Variants in FSTL4 observed in about 807,000 individuals in gnomAD.
The protein encoded by FSTL4 is follistatin-related protein 4.
A neutral mutation model predicts 78.2 loss-of-function variants in FSTL4; 28 were observed. The observed-to-expected ratio is 0.36, with a 90% confidence interval of 0.27 to 0.49. The LOEUF (loss-of-function observed/expected upper bound fraction) is 0.49, where lower values mean the gene tolerates loss of function less well. FSTL4 is among the 20% of genes least tolerant of loss of function. The probability of loss-of-function intolerance (pLI) is 0.98; values close to 1 mark genes in which losing one functional copy is unlikely to be tolerated. For missense variants in FSTL4, 922 were observed against 1,084.9 expected, an observed-to-expected ratio of 0.85 and a Z score of 2.11; for synonymous variants, 422 against 440.5, an observed-to-expected ratio of 0.96 and a Z score of 0.53.
the FSTL4 span, among the ~76,000 whole-genome samples, chr5:133,786,280 G>A: frequency 6.6e-6 from 1 of 152,164 alleles, no homozygotes; most frequent in Non-Finnish European, 1.5e-5. Flanking sequence ...ATGGAATGAG[G>A]GATGTTTTCT....
At chr5:133,801,004 G>A in the FSTL4 span, among the ~76,000 whole-genome samples, 146,550 of 152,104 alleles carry the variant, frequency 0.96, 70,833 homozygotes, top group Non-Finnish European at 1. Context: ...CCTGGCACCC[G>A]GGGGTCCTCG....
chr5:133,740,383 C>T, the FSTL4 span, among the ~76,000 whole-genome samples: 4 of 152,282 alleles, frequency 2.6e-5, no homozygotes, highest in South Asian at 6.2e-4. Context: ...TTGTTAATCC[C>T]TCGATCTTGA....
chr5:133,653,047 C>T, the FSTL4 span, among the ~76,000 whole-genome samples: 50 of 152,232 alleles, frequency 3.3e-4, no homozygotes, highest in Admixed American at 6.5e-4. Context: ...GTCAGCCAAA[C>T]GCTGCATTAG....
chr5:133,266,406 G>A (rs1342913818), intron 6 of FSTL4, among the ~76,000 whole-genome samples: 2 of 152,266 alleles, frequency 1.3e-5, no homozygotes, highest in Non-Finnish European at 2.9e-5. Flanking sequence ...AGTGAAATCT[G>A]CCCATTAAAA....
the FSTL4 span, among the ~76,000 whole-genome samples, chr5:133,635,793 G>T: frequency 6.6e-6 from 1 of 152,110 alleles, no homozygotes; most frequent in African/African-American, 2.4e-5. Flanking sequence ...AAACAAAACT[G>T]CCTTGGCTCC....
At chr5:133,458,680 A>G (rs554711707) in intron 3 of FSTL4, among the ~76,000 whole-genome samples, 3 of 152,370 alleles carry the variant, frequency 2.0e-5, no homozygotes, top group Admixed American at 2.0e-4. Context: ...GAATGCCCCC[A>G]GATGATGGGC....
At chr5:133,647,728 T>C in the FSTL4 span, among the ~76,000 whole-genome samples, 1 of 152,220 alleles carries the variant, frequency 6.6e-6, no homozygotes, top group Non-Finnish European at 1.5e-5. Flanking sequence ...TTTACCCTTC[T>C]TAGGGTTTAC....
the FSTL4 span, among the ~76,000 whole-genome samples, chr5:133,668,196 G>A: frequency 1.8e-4 from 28 of 152,278 alleles, no homozygotes; most frequent in East Asian, 4.1e-3. Context: ...CTGCAGGCAC[G>A]CTTATGGACT....
Position 133,221,080 on chromosome 5 carries a change from T to G in FSTL4, c.1340-214A>C, listed in dbSNP as rs1751086698. 1.4e-5 allele frequency: 9 copies of G among 653,880 alleles called. No individual in the cohort carries two copies. In the South Asian group the frequency reaches 1.5e-4, roughly 11 times the overall value. 40.5% of individuals were successfully genotyped at this position (653,880 alleles called of 1,614,324 possible). ...CCCAGGACTATGAATCAGTAAAGCA[T>G]GTCACAGGCTACGTACAGCTGCCCT... On this transcript the variant is annotated intron_variant, in intron 11 of 15. Coordinates refer to ENST00000265342, the MANE Select transcript of FSTL4 (RefSeq NM_015082.2).
In FSTL4 at chr5:133,198,425, T is replaced by C. The variant is rs1437572857; in HGVS notation, c.*670A>G. The C allele has an allele frequency of 6.6e-6, 1 of 152,156 alleles. No homozygotes were observed. The highest frequency in any genetic ancestry group is 2.4e-5 in the African/African-American group (1 of 41,344). The allele number at this position is 152,156 out of a possible 1,614,324, so 9.4% of individuals were successfully genotyped here. A position where few individuals can be genotyped will look rare whatever the true frequency, so the allele number is the denominator to read the frequency against. ...AGACTCGGCCTAAGGCAGGGAAGGA[T>C]ATAGTTGGACCTCGGAGAGCATCTT... On this transcript the variant is annotated 3_prime_UTR_variant, in exon 16 of 16. Coordinates refer to ENST00000265342, the MANE Select transcript of FSTL4 (RefSeq NM_015082.2).
At chr5:133,699,880 C>CAAA in the FSTL4 span, among the ~76,000 whole-genome samples, 16,076 of 62,038 alleles carry the variant, frequency 0.26, 1,699 homozygotes, top group Non-Finnish European at 0.27. Flanking sequence ...GACTCCATCT[C>CAAA]AAAAAAAAAA....
the FSTL4 span, among the ~76,000 whole-genome samples, chr5:133,802,536 C>A: frequency 4.6e-5 from 7 of 152,218 alleles, no homozygotes; most frequent in Admixed American, 1.3e-4. Context: ...AGGGCGCTGG[C>A]CAGCCTTACC....
rs1006859431 is a variant in FSTL4 at position 133,401,076 on chromosome 5, C to T, written c.161-90G>A. On this transcript the variant is annotated intron_variant, in intron 3 of 15. Transcript: ENST00000265342. Reference sequence around the variant, plus strand: ...CCTTTGTAGCTCACAAGCACAGACTCCATTTGCCTGTGCAGCCAAGCTACT... The same window carrying T: ...CCTTTGTAGCTCACAAGCACAGACTTCATTTGCCTGTGCAGCCAAGCTACT... The T allele has an allele frequency of 5.5e-6, 8 of 1,463,954 alleles. No homozygotes were observed. In the Admixed American group the frequency reaches 1.1e-4, roughly 19 times the overall value. 90.7% of individuals were successfully genotyped at this position (1,463,954 alleles called of 1,614,324 possible).
chr5:133,379,259 G>A (rs1270582685), intron 4 of FSTL4, among the ~76,000 whole-genome samples: 2 of 151,960 alleles, frequency 1.3e-5, no homozygotes, highest in Admixed American at 1.3e-4. Context: ...CAAAATACAC[G>A]AAGCAAAAGC....
the FSTL4 span, among the ~76,000 whole-genome samples, chr5:133,667,924 T>C: frequency 6.6e-6 from 1 of 152,228 alleles, no homozygotes; most frequent in Non-Finnish European, 1.5e-5. Flanking sequence ...GTTGAATGAA[T>C]GAATAAAATT....
chr5:133,569,415 T>G (rs1471796008), intron 2 of FSTL4, among the ~76,000 whole-genome samples: 1 of 152,250 alleles, frequency 6.6e-6, no homozygotes, highest in Non-Finnish European at 1.5e-5. Flanking sequence ...TTTATTATAT[T>G]AATGAAACCA....
At chr5:133,785,143 G>A in the FSTL4 span, among the ~76,000 whole-genome samples, 1 of 152,134 alleles carries the variant, frequency 6.6e-6, no homozygotes, top group Admixed American at 6.5e-5. Context: ...AGCCCTCAAA[G>A]CACACGAAGT....
chr5:133,529,776 ACT>A (rs1353285830), intron 3 of FSTL4, among the ~76,000 whole-genome samples: 1 of 152,024 alleles, frequency 6.6e-6, no homozygotes, highest in Non-Finnish European at 1.5e-5. Flanking sequence ...CTGGTTCAGA[ACT>A]CTGTTGAATG....
the FSTL4 span, among the ~76,000 whole-genome samples, chr5:133,768,257 G>C: frequency 6.6e-6 from 1 of 152,204 alleles, no homozygotes; most frequent in Admixed American, 6.5e-5. Context: ...GATGATGGAT[G>C]TTGTTATACC....
Sources: gnomAD v4.1 joint callset for allele counts (sites outside exome capture counted in the v4.1 genomes callset) on GRCh38, gnomAD v4.1.1 for gene constraint, MANE v1.5 for transcripts, NCBI Gene and HGNC (gene_info 2026-07-23, HGNC 2026-07-21) for gene names.